RNF130: variants seen among roughly 807,000 people sequenced by gnomAD.
RNF130 encodes the protein E3 ubiquitin-protein ligase RNF130.
Under a neutral mutation model 44.6 loss-of-function variants are expected in RNF130, and 21 were observed. The observed-to-expected ratio is 0.47, with a 90% CI of 0.33 to 0.68. The LOEUF (loss-of-function observed/expected upper bound fraction) is 0.68. Among genes scored for constraint, RNF130 ranks in the 30% least tolerant of loss-of-function variants. The pLI is 0.02. For synonymous variants in RNF130, 214 were observed against 210.4 expected, an observed-to-expected ratio of 1.02 and a Z score of -0.15; for missense variants, 479 against 560.6, an observed-to-expected ratio of 0.85 and a Z score of 1.47.
At chr5:180,018,105 G>C (rs1763780428) in intron 2 of RNF130, among the ~76,000 whole-genome samples, 1 of 152,134 alleles carries the variant, frequency 6.6e-6, no homozygotes, top group Non-Finnish European at 1.5e-5. Flanking sequence ...GACCAGCCTA[G>C]CCAATATGGC....
intron 2 of RNF130, among the ~76,000 whole-genome samples, chr5:180,035,444 T>G (rs1301256388): frequency 6.6e-6 from 1 of 152,226 alleles, no homozygotes; most frequent in South Asian, 2.1e-4. Flanking sequence ...GAGAGAATGC[T>G]CCATGTGTGC....
At chr5:179,930,751 A>C (rs1479596558) in intron 7 of RNF130, among the ~76,000 whole-genome samples, 2 of 152,170 alleles carry the variant, frequency 1.3e-5, no homozygotes, top group Non-Finnish European at 2.9e-5. Context: ...TAAAATCAAG[A>C]ATGGAGGCTG....
chr5:180,067,763 G>A (rs1319094651), intron 1 of RNF130, among the ~76,000 whole-genome samples: 3 of 152,006 alleles, frequency 2.0e-5, no homozygotes, highest in Non-Finnish European at 4.4e-5. Flanking sequence ...CTTTTTCTCT[G>A]AATATTTTGA....
At chr5:179,961,821 A>G (rs1762335912) in intron 8 of RNF130, among the ~76,000 whole-genome samples, 1 of 152,184 alleles carries the variant, frequency 6.6e-6, no homozygotes. Flanking sequence ...AAGAAATTAA[A>G]TTCACTTCCC....
intron 7 of RNF130, among the ~76,000 whole-genome samples, chr5:179,946,549 C>T (rs1212733337): frequency 6.7e-6 from 1 of 150,238 alleles, no homozygotes; most frequent in African/African-American, 2.5e-5. Context: ...GCACACCCAC[C>T]GGGGATTTTT....
At chr5:180,060,504 C>T (rs1445978661) in intron 1 of RNF130, among the ~76,000 whole-genome samples, 1 of 152,156 alleles carries the variant, frequency 6.6e-6, no homozygotes, top group Admixed American at 6.5e-5. Context: ...AACGGCCATC[C>T]TTGAAGAGTG....
intron 7 of RNF130, among the ~76,000 whole-genome samples, chr5:179,928,074 T>C (rs566975516): frequency 2.1e-4 from 32 of 152,328 alleles, no homozygotes; most frequent in Non-Finnish European, 3.5e-4. Flanking sequence ...CACCACACAA[T>C]TGATTGGTCT....
chr5:180,021,776 A>G (rs1489032301), intron 2 of RNF130, among the ~76,000 whole-genome samples: 3 of 152,182 alleles, frequency 2.0e-5, no homozygotes, highest in Non-Finnish European at 2.9e-5. Flanking sequence ...CAAAATTTAT[A>G]AACATAATAC....
intron 7 of RNF130, among the ~76,000 whole-genome samples, chr5:179,942,976 C>A (rs1267096774): frequency 6.6e-6 from 1 of 152,142 alleles, no homozygotes; most frequent in Non-Finnish European, 1.5e-5. Context: ...GAGGGTGGAT[C>A]ATGAGGTCAA....
Position 179,921,032 on chromosome 5 carries a change from T to C in RNF130, c.1151-606A>G, listed in dbSNP as rs190095191. ...ATTATATTTTGATTTTAAAATTCCA[T>C]AGTTACATTATTTGACTATCTGTGC... On this transcript the variant is annotated intron_variant, in intron 7 of 7. Coordinates refer to the RNF130 transcript ENST00000522208. Among the ~76,000 whole-genome samples the C allele has an allele frequency of 8.8e-4, 132 of 149,498 alleles. 1 individual carries two copies. Among genetic ancestry groups the C allele is most frequent in the African/African-American group, 2.9e-3 (122 of 41,376 alleles).
intron 3 of RNF130, among the ~76,000 whole-genome samples, chr5:179,991,059 C>T (rs1053991313): frequency 1.3e-5 from 2 of 152,194 alleles, no homozygotes; most frequent in African/African-American, 4.8e-5. Flanking sequence ...CCTTCACTTA[C>T]GAAGTTTATT....
chr5:179,997,952 C>T (rs1163915508), intron 3 of RNF130, among the ~76,000 whole-genome samples: 1 of 151,952 alleles, frequency 6.6e-6, no homozygotes, highest in Non-Finnish European at 1.5e-5. Context: ...AGCAATTCTC[C>T]TGCCTCAGCC....
chr5:180,012,083 C>T (rs1269362825), intron 3 of RNF130, among the ~76,000 whole-genome samples: 1 of 152,120 alleles, frequency 6.6e-6, no homozygotes, highest in Non-Finnish European at 1.5e-5. Flanking sequence ...TATCTACTTT[C>T]AGATGAGAAA....
At chr5:179,933,536 T>G (rs1466774424) in intron 7 of RNF130, among the ~76,000 whole-genome samples, 1 of 151,852 alleles carries the variant, frequency 6.6e-6, no homozygotes, top group Non-Finnish European at 1.5e-5. Flanking sequence ...ACTTTTTTTT[T>G]TTTTGAGACA....
At chr5:179,921,568 C>A (rs1406251961) in intron 7 of RNF130, among the ~76,000 whole-genome samples, 3 of 152,100 alleles carry the variant, frequency 2.0e-5, no homozygotes, top group Non-Finnish European at 2.9e-5. Context: ...GAGGCCAAGG[C>A]GGGTGGATCA....
chr5:179,976,371 G>C (rs549607459), intron 5 of RNF130, among the ~76,000 whole-genome samples: 15 of 152,268 alleles, frequency 9.9e-5, no homozygotes, highest in African/African-American at 3.1e-4. Flanking sequence ...GAGGATCCTG[G>C]GCTGAAACAG....
downstream of RNF130, among the ~76,000 whole-genome samples, chr5:179,954,113 TGAA>T (rs1762166760): frequency 6.6e-6 from 1 of 152,194 alleles, no homozygotes; most frequent in Admixed American, 6.5e-5. Flanking sequence ...ATGGAGGTTG[TGAA>T]GAAATTGCAA....
chr5:179,960,531 G>A (rs545669930), intron 8 of RNF130, among the ~76,000 whole-genome samples: 6 of 152,190 alleles, frequency 3.9e-5, no homozygotes, highest in Non-Finnish European at 8.8e-5. Context: ...GATCCTCCTT[G>A]TGTAGTTAGC....
intron 2 of RNF130, among the ~76,000 whole-genome samples, chr5:180,013,614 T>G (rs1419852706): frequency 6.6e-6 from 1 of 152,188 alleles, no homozygotes; most frequent in Non-Finnish European, 1.5e-5. Context: ...ACCAGCCAAA[T>G]GTGACAACAG....
Sources: gnomAD v4.1 joint callset for allele counts (sites outside exome capture counted in the v4.1 genomes callset) on GRCh38, gnomAD v4.1.1 for gene constraint, MANE v1.5 for transcripts, NCBI Gene and HGNC (gene_info 2026-07-23, HGNC 2026-07-21) for gene names.